The following NMNAT1 variants were observed in gnomAD, a reference collection of about 807,000 sequenced individuals.
NMNAT1 encodes the protein nicotinamide/nicotinic acid mononucleotide adenylyltransferase 1.
Under a neutral mutation model 16.7 loss-of-function variants are expected in NMNAT1, and 11 were observed. That is an observed-to-expected ratio of 0.66 (90% CI 0.41 to 1.09). The LOEUF is 1.09. Among genes scored for constraint, NMNAT1 ranks in the 50% least tolerant of loss-of-function variants. The pLI, the probability that NMNAT1 is intolerant of heterozygous loss-of-function variation, is 0.00. For synonymous variants in NMNAT1, 110 were observed against 119.8 expected, an observed-to-expected ratio of 0.92 and a Z score of 0.53; for missense variants, 280 against 332.3, an observed-to-expected ratio of 0.84 and a Z score of 1.22.
At chr1:9,986,613 C>T (rs554781681), downstream of NMNAT1, among the ~76,000 whole-genome samples, 3 of 152,240 alleles carry the variant, frequency 2.0e-5, no homozygotes, top group South Asian at 2.1e-4. Context: ...CTGGGCACAG[C>T]GGCTCATGCC....
At chr1:9,990,356 G>A (rs916542367), downstream of NMNAT1, among the ~76,000 whole-genome samples, 2 of 152,140 alleles carry the variant, frequency 1.3e-5, no homozygotes, top group Non-Finnish European at 2.9e-5. Flanking sequence ...GTCACCAGTA[G>A]CCAGGCTTCC....
chr1:9,949,254 A>C (rs1641051631), intron 1 of NMNAT1, among the ~76,000 whole-genome samples: 1 of 151,004 alleles, frequency 6.6e-6, no homozygotes, highest in Non-Finnish European at 1.5e-5. Context: ...GCAACAGACC[A>C]GGACTCTGTC....
Position 9,972,189 on chromosome 1 carries a change from G to A in NMNAT1, c.115+1G>A, listed in dbSNP as rs779434083. On this transcript the variant is annotated splice_donor_variant, in intron 2 of 4. Transcript: ENST00000377205. LOFTEE classifies it high-confidence loss of function. Reference sequence around the variant, plus strand: ...GCCAAGGACTACATGAATGGAACAGGTAGGAGCAGTAACCAAAAGTGGCTT... The same window carrying A: ...GCCAAGGACTACATGAATGGAACAGATAGGAGCAGTAACCAAAAGTGGCTT... 1 of 1,557,892 alleles carries A rather than the reference G, an allele frequency of 6.4e-7. No individual in the cohort carries two copies. The highest frequency in any genetic ancestry group is 8.9e-7 in the Non-Finnish European group (1 of 1,129,812).
chr1:9,990,285 T>C (rs998864764), downstream of NMNAT1, among the ~76,000 whole-genome samples: 4 of 152,078 alleles, frequency 2.6e-5, no homozygotes, highest in African/African-American at 9.7e-5. Flanking sequence ...CCGGGTTCTT[T>C]CCATCCCTCT....
At chr1:9,953,080 A>G (rs1641155571) in intron 1 of NMNAT1, among the ~76,000 whole-genome samples, 1 of 151,328 alleles carries the variant, frequency 6.6e-6, no homozygotes, top group East Asian at 2.0e-4. Context: ...TCCTAGGTTC[A>G]AGCAATTCTC....
intron 1 of NMNAT1, among the ~76,000 whole-genome samples, chr1:9,953,909 G>A (rs1276784985): frequency 7.1e-6 from 1 of 141,024 alleles, no homozygotes; most frequent in South Asian, 2.2e-4. Context: ...AGGTTCAAGC[G>A]ATCCTCCTGC....
the NMNAT1 span, among the ~76,000 whole-genome samples, chr1:9,994,826 A>G: frequency 6.6e-6 from 1 of 151,690 alleles, no homozygotes; most frequent in Non-Finnish European, 1.5e-5. Flanking sequence ...GTTAGCCAGG[A>G]AGGTCTTGAT....
chr1:9,981,174 T>C lies in NMNAT1; in HGVS notation c.439+4T>C. ...TCCCTAGAGCCAAAAACAAAAGGTT[T>C]GTATGTTTTAGCAGGACCCACGGAC... On this transcript the variant is annotated splice_donor_region_variant and intron_variant, in intron 4 of 4. Coordinates refer to ENST00000377205, the MANE Select transcript of NMNAT1 (RefSeq NM_022787.4). 1 of 1,608,260 alleles carries C rather than the reference T, an allele frequency of 6.2e-7. No individual in the cohort carries two copies. The highest frequency in any genetic ancestry group is 8.5e-7 in the Non-Finnish European group (1 of 1,178,268).
At chr1:9,954,178 T>G (rs1218860115) in intron 1 of NMNAT1, among the ~76,000 whole-genome samples, 1 of 152,142 alleles carries the variant, frequency 6.6e-6, no homozygotes, top group African/African-American at 2.4e-5. Flanking sequence ...TTTCTTAAAC[T>G]TCTCCACATT....
At chr1:9,953,729 C>T (rs1017670066) in intron 1 of NMNAT1, among the ~76,000 whole-genome samples, 3 of 151,546 alleles carry the variant, frequency 2.0e-5, no homozygotes, top group Admixed American at 1.3e-4. Flanking sequence ...GCATGAGCCA[C>T]CACACCCGGC....
chr1:9,991,185 AT>A, the NMNAT1 span, among the ~76,000 whole-genome samples: 129,035 of 139,742 alleles, frequency 0.92, 60,198 homozygotes, highest in East Asian at 0.99. Context: ...AGTCAGCTGA[AT>A]TTTTTTTTTT....
chr1:9,975,001 CTG>C (rs1360932629), intron 2 of NMNAT1, among the ~76,000 whole-genome samples: 1 of 152,030 alleles, frequency 6.6e-6, no homozygotes, highest in Admixed American at 6.6e-5. Flanking sequence ...AGAAATTTAA[CTG>C]TATAGGGGAA....
At chr1:9,953,908 C>T (rs1225761780) in intron 1 of NMNAT1, among the ~76,000 whole-genome samples, 3 of 142,910 alleles carry the variant, frequency 2.1e-5, no homozygotes, top group South Asian at 2.2e-4. Context: ...CAGGTTCAAG[C>T]GATCCTCCTG....
intron 1 of NMNAT1, among the ~76,000 whole-genome samples, chr1:9,963,283 T>C (rs899204193): frequency 6.6e-6 from 1 of 152,204 alleles, no homozygotes; most frequent in Non-Finnish European, 1.5e-5. Context: ...CTAGCAGTTA[T>C]GTCTGACTAC....
chr1:9,967,278 T>C (rs1641569023), intron 1 of NMNAT1: 1 of 153,540 alleles, frequency 6.5e-6, no homozygotes, highest in Non-Finnish European at 1.5e-5. Flanking sequence ...AAAAGAATTT[T>C]CTCAAGCCAT....
chr1:9,968,466 T>C (rs1368656562), intron 1 of NMNAT1, among the ~76,000 whole-genome samples: 2 of 150,260 alleles, frequency 1.3e-5, no homozygotes, highest in Admixed American at 1.4e-4. Flanking sequence ...CTTTTTAAGA[T>C]TGATTAAAAA....
chr1:9,991,187 T>A, the NMNAT1 span, among the ~76,000 whole-genome samples: 1 of 1,920 alleles, frequency 5.2e-4, no homozygotes, highest in Admixed American at 0.045. Flanking sequence ...TCAGCTGAAT[T>A]TTTTTTTTTT....
chr1:9,982,142 C>T (rs1015454790), intron 4 of NMNAT1, among the ~76,000 whole-genome samples, 159 bp from the exon 5 acceptor site: 11 of 152,226 alleles, frequency 7.2e-5, no homozygotes, highest in African/African-American at 2.4e-4. Flanking sequence ...GGATTACAGG[C>T]TAGAGCCACC....
At chr1:9,971,972 G>A in intron 1 of NMNAT1, 46 bp from the exon 2 acceptor site, 1 of 725,994 alleles carries the variant, frequency 1.4e-6, no homozygotes, top group Non-Finnish European at 2.5e-6. Flanking sequence ...CTTATCTTAG[G>A]GAAAAAAAAA....
Sources: gnomAD v4.1 joint callset for allele counts (sites outside exome capture counted in the v4.1 genomes callset) on GRCh38, gnomAD v4.1.1 for gene constraint, MANE v1.5 for transcripts, NCBI Gene and HGNC (gene_info 2026-07-23, HGNC 2026-07-21) for gene names.